CFAP52: variants seen among roughly 807,000 people sequenced by gnomAD.
The protein encoded by CFAP52 is cilia and flagella associated protein 52.
CFAP52 carries 57 observed loss-of-function variants against 70.5 expected under a neutral mutation model. The observed-to-expected ratio is 0.81, with a 90% CI of 0.65 to 1.01. The LOEUF (loss-of-function observed/expected upper bound fraction) is 1.01, where lower values mean the gene tolerates loss of function less well. Among genes scored for constraint, CFAP52 ranks in the 50% least tolerant of loss-of-function variants. The probability of loss-of-function intolerance (pLI) is 0.00; values close to 1 mark genes in which losing one functional copy is unlikely to be tolerated. For missense variants in CFAP52, 785 were observed against 788.5 expected (o/e 1.00, Z 0.05); for synonymous variants, 267 against 292.5 (o/e 0.91, Z 0.89).
chr17:9,607,175 A>AT (rs768820074), intron 6 of CFAP52, among the ~76,000 whole-genome samples: 5 of 152,096 alleles, frequency 3.3e-5, no homozygotes, highest in Non-Finnish European at 7.4e-5. Context: ...GCGAAACCCC[A>AT]TCTCTACTGA....
chr17:9,616,049 G>A (rs537249920), intron 8 of CFAP52, among the ~76,000 whole-genome samples: 6 of 151,216 alleles, frequency 4.0e-5, no homozygotes, highest in Non-Finnish European at 8.9e-5. Flanking sequence ...CGTGAGCGAC[G>A]CAGAAGACGG....
At chr17:9,585,550 A>G (rs1329296095) in intron 1 of CFAP52, among the ~76,000 whole-genome samples, 1 of 152,068 alleles carries the variant, frequency 6.6e-6, no homozygotes, top group East Asian at 1.9e-4. Flanking sequence ...GGGTGCCTGT[A>G]ATCCCAGCTA....
At chr17:9,643,746 C>T (rs1054209339), downstream of CFAP52, among the ~76,000 whole-genome samples, 2 of 152,208 alleles carry the variant, frequency 1.3e-5, no homozygotes, top group Non-Finnish European at 2.9e-5. Context: ...CGGCAGAATT[C>T]CTGACAGGGT....
At chr17:9,593,951 G>T (rs929100667) in intron 3 of CFAP52, among the ~76,000 whole-genome samples, 2 of 152,192 alleles carry the variant, frequency 1.3e-5, no homozygotes, top group Admixed American at 1.3e-4. Context: ...GGCAACAAGA[G>T]TGAAACTCCA....
intron 8 of CFAP52, among the ~76,000 whole-genome samples, chr17:9,622,035 A>G (rs1910060827): frequency 6.6e-6 from 1 of 152,240 alleles, no homozygotes; most frequent in Non-Finnish European, 1.5e-5. Flanking sequence ...ATAGTTTTTC[A>G]TCAAAGACTA....
chr17:9,580,854 A>G (rs1287307584), intron 1 of CFAP52, among the ~76,000 whole-genome samples: 1 of 152,240 alleles, frequency 6.6e-6, no homozygotes, highest in Non-Finnish European at 1.5e-5. Flanking sequence ...GGCCAGTTTT[A>G]TAGTATCTAT....
At chr17:9,612,231 C>T in intron 7 of CFAP52, 78 bp from the exon 8 acceptor site, 3 of 1,526,172 alleles carry the variant, frequency 2.0e-6, no homozygotes, top group Admixed American at 1.8e-5. Flanking sequence ...TGATTTGTAT[C>T]CTCTGCCATG....
chr17:9,632,582 A>C (rs1597794449), intron 9 of CFAP52, among the ~76,000 whole-genome samples: 1 of 152,112 alleles, frequency 6.6e-6, no homozygotes. Context: ...AGGTGCTCAG[A>C]TTTGAATGTT....
downstream of CFAP52, among the ~76,000 whole-genome samples, chr17:9,643,626 G>T (rs893555833): frequency 1.3e-5 from 2 of 152,134 alleles, no homozygotes; most frequent in African/African-American, 2.4e-5. Context: ...CAGATCTTGG[G>T]CAGGCTTCTT....
Position 9,580,298 on chromosome 17 carries a change from T to C in CFAP52, c.70+3533T>C, listed in dbSNP as rs1042441811. Reference sequence around the variant, plus strand: ...CATATTGCCCACAAAGCCTAAAATATTTACTCTCTGGACCTTTCTTAAAAA... The same window carrying C: ...CATATTGCCCACAAAGCCTAAAATACTTACTCTCTGGACCTTTCTTAAAAA... On this transcript the variant is annotated intron_variant, in intron 1 of 13. Coordinates refer to ENST00000352665, the MANE Select transcript of CFAP52 (RefSeq NM_145054.5). 5.5e-4 allele frequency among the ~76,000 whole-genome samples: 81 copies of C among 147,280 alleles called. 1 individual carries two copies. The highest frequency in any genetic ancestry group is 1.3e-4 in the Non-Finnish European group (9 of 67,160).
chr17:9,580,535 A>G (rs958786494), intron 1 of CFAP52, among the ~76,000 whole-genome samples: 6 of 152,068 alleles, frequency 3.9e-5, no homozygotes, highest in African/African-American at 1.2e-4. Flanking sequence ...AAAAAATACC[A>G]AAAAATAGCC....
At chr17:9,605,644 C>T (rs1004017416) in intron 6 of CFAP52, among the ~76,000 whole-genome samples, 5 of 128,546 alleles carry the variant, frequency 3.9e-5, no homozygotes, top group African/African-American at 1.2e-4. Flanking sequence ...TGCATTGAGC[C>T]GAGATCGCGC....
In CFAP52 at chr17:9,579,830, A is replaced by G. The variant is rs576636312; in HGVS notation, c.70+3065A>G. On this transcript the variant is annotated intron_variant, in intron 1 of 13. Transcript: ENST00000352665. ...TGATCCACCCGCCTCGGCCTCCCAA[A>G]GTGCTGGGATTACAGGCGTGAGCCA... Among the ~76,000 whole-genome samples, 17 of 152,312 alleles carry G rather than the reference A, an allele frequency of 1.1e-4. 1 individual carries two copies. The South Asian group carries it at 2.7e-3, about 24-fold the overall frequency.
In CFAP52 at chr17:9,585,868, G is replaced by A; in HGVS notation, c.166G>A (p.Glu56Lys). The A allele has an allele frequency of 6.2e-7, 1 of 1,613,960 alleles. No individual in the cohort carries two copies. Residue 56 changes from glutamate to lysine, a missense_variant, in exon 2 of 14, where the codon GAG (glutamate) becomes AAG (lysine). Transcript: ENST00000352665. ...CCTCATTCAGGCAATAAATACTAAA[G>A]AGCAGAACTTCCTACAGGGTCATGG... ...TVLIQAINTK[E>K]QNFLQGHGNN... is the part of the protein sequence containing the mutation.
At chr17:9,582,244 G>C (rs760916169) in intron 1 of CFAP52, among the ~76,000 whole-genome samples, 1 of 152,170 alleles carries the variant, frequency 6.6e-6, no homozygotes, top group Admixed American at 6.5e-5. Context: ...TTTCCAAAAC[G>C]ATTAGACCGA....
chr17:9,641,743 T>C lies in CFAP52; in HGVS notation c.1595T>C (p.Phe532Ser), dbSNP rs763157395. ...TTCCAGATTGCTTACTGGGAAGTAT[T>C]TGATGGGACAGTAATCAGAGAATTG... ...TDRKIAYWEV[F>S]DGTVIRELEG... Residue 532 changes from phenylalanine (F) to serine (S), a missense_variant, in exon 13 of 14, where the codon TTT (phenylalanine) becomes TCT (serine). Physicochemically the swap from Phe to Ser is radical, Grantham distance 155 (BLOSUM62 -2). Transcript: ENST00000352665. 4.3e-6 allele frequency: 7 copies of C among 1,613,624 alleles called. No homozygotes were observed. In the African/African-American group the frequency reaches 5.3e-5, roughly 12 times the overall value.
downstream of CFAP52, among the ~76,000 whole-genome samples, chr17:9,644,375 G>C (rs889679339): frequency 9.9e-5 from 15 of 152,150 alleles, no homozygotes; most frequent in Admixed American, 3.9e-4. Context: ...AAGGTGCTGG[G>C]ATTACAGGCG....
At chr17:9,630,731 G>T (rs1284653833) in intron 9 of CFAP52, among the ~76,000 whole-genome samples, 2 of 151,172 alleles carry the variant, frequency 1.3e-5, no homozygotes, top group Non-Finnish European at 2.9e-5. Flanking sequence ...CGCCCTGCCC[G>T]ATTTTTGTAA....
intron 6 of CFAP52, among the ~76,000 whole-genome samples, chr17:9,606,796 C>G (rs538792696): frequency 1.3e-5 from 2 of 152,290 alleles, no homozygotes; most frequent in South Asian, 2.1e-4. Flanking sequence ...ATAGGCTGAG[C>G]CTTCATCCTG....
Sources: allele counts gnomAD v4.1 joint callset (sites outside exome capture counted in the v4.1 genomes callset), GRCh38; gene constraint gnomAD v4.1.1; transcripts MANE v1.5; gene names NCBI Gene and HGNC (gene_info 2026-07-23, HGNC 2026-07-21).